The following BMAL2 variants were observed in gnomAD, a reference collection of about 807,000 sequenced individuals.
BMAL2 encodes basic helix-loop-helix ARNT like 2.
At chr12:27,423,075 G>A in the BMAL2 span, 3 of 152,176 alleles carry the variant, frequency 2.0e-5, no homozygotes, top group Admixed American at 1.3e-4. Context: ...CTTTTGTCCT[G>A]GACTCAAAAT....
chr12:27,418,182 A>G, the BMAL2 span: 1 of 1,609,828 alleles, frequency 6.2e-7, no homozygotes, highest in Non-Finnish European at 8.5e-7. Flanking sequence ...GTCCACAGCC[A>G]TGAGCCACTC....
the BMAL2 span, chr12:27,424,313 T>G: frequency 6.6e-5 from 10 of 152,226 alleles, no homozygotes; most frequent in Admixed American, 2.6e-4. Context: ...ATAACAAGTC[T>G]CTATCCATGT....
chr12:27,396,187 G>A, the BMAL2 span, among the ~76,000 whole-genome samples: 1 of 152,128 alleles, frequency 6.6e-6, no homozygotes, highest in Non-Finnish European at 1.5e-5. Flanking sequence ...TAATACAGTG[G>A]GTAATGACAG....
chr12:27,421,139 G>GTAA, the BMAL2 span: 9 of 152,200 alleles, frequency 5.9e-5, no homozygotes, highest in African/African-American at 2.2e-4. Flanking sequence ...TGAATTTTAA[G>GTAA]TGAGATGATT....
chr12:27,394,796 G>A, the BMAL2 span, among the ~76,000 whole-genome samples: 2 of 152,216 alleles, frequency 1.3e-5, no homozygotes, highest in Non-Finnish European at 2.9e-5. Flanking sequence ...AGGTCATGAG[G>A]ATGAGGACCT....
At chr12:27,402,998 G>T in the BMAL2 span, among the ~76,000 whole-genome samples, 12 of 152,136 alleles carry the variant, frequency 7.9e-5, no homozygotes, top group Non-Finnish European at 5.9e-5. Context: ...GTTCTTTAAG[G>T]CAGGAATGAT....
chr12:27,355,789 A>G, the BMAL2 span, among the ~76,000 whole-genome samples: 2 of 152,206 alleles, frequency 1.3e-5, no homozygotes, highest in African/African-American at 4.8e-5. Flanking sequence ...GTCTTAAAAT[A>G]AAAATTGACA....
chr12:27,389,934 G>C, the BMAL2 span: 1 of 585,814 alleles, frequency 1.7e-6, no homozygotes, highest in East Asian at 3.0e-5. Flanking sequence ...TACATTTTTT[G>C]GGTATATTTC....
At chr12:27,399,225 A>T in the BMAL2 span, among the ~76,000 whole-genome samples, 1 of 152,216 alleles carries the variant, frequency 6.6e-6, no homozygotes, top group African/African-American at 2.4e-5. Flanking sequence ...CATATGCTTC[A>T]GCCGCATCTG....
At chr12:27,415,749 T>A in the BMAL2 span, 1 of 705,780 alleles carries the variant, frequency 1.4e-6, no homozygotes, top group East Asian at 2.9e-5. Context: ...AAACCTGCTA[T>A]GATACTCAGT....
chr12:27,346,543 G>A, the BMAL2 span, among the ~76,000 whole-genome samples: 2 of 152,168 alleles, frequency 1.3e-5, no homozygotes, highest in Non-Finnish European at 2.9e-5. Context: ...GATTACAGGC[G>A]TGAGCCACCA....
chr12:27,410,548 G>C, the BMAL2 span, among the ~76,000 whole-genome samples: 1 of 152,052 alleles, frequency 6.6e-6, no homozygotes, highest in African/African-American at 2.4e-5. Flanking sequence ...TGAACAATGA[G>C]AACACATGGA....
At chr12:27,344,083 G>C in the BMAL2 span, among the ~76,000 whole-genome samples, 1 of 152,148 alleles carries the variant, frequency 6.6e-6, no homozygotes, top group African/African-American at 2.4e-5. Flanking sequence ...TTATGAGGTA[G>C]GTACTATTGT....
At chr12:27,420,666 T>A in the BMAL2 span, 1 of 1,063,980 alleles carries the variant, frequency 9.4e-7, no homozygotes, top group East Asian at 3.0e-5. Flanking sequence ...TTTTATAGAT[T>A]TGCATCTTCC....
chr12:27,410,160 G>A, the BMAL2 span, among the ~76,000 whole-genome samples: 1 of 151,962 alleles, frequency 6.6e-6, no homozygotes, highest in African/African-American at 2.4e-5. Flanking sequence ...CTGTAAACTA[G>A]TTCAACCATT....
At chr12:27,344,349 G>T in the BMAL2 span, among the ~76,000 whole-genome samples, 1 of 152,182 alleles carries the variant, frequency 6.6e-6, no homozygotes, top group African/African-American at 2.4e-5. Flanking sequence ...AGCATCTGAG[G>T]TCTTTCACCT....
chr12:27,351,621 GC>G, the BMAL2 span, among the ~76,000 whole-genome samples: 1 of 152,154 alleles, frequency 6.6e-6, no homozygotes, highest in African/African-American at 2.4e-5. Context: ...CGTAGGGACA[GC>G]CCCTGTTCCC....
the BMAL2 span, among the ~76,000 whole-genome samples, chr12:27,409,653 C>T: frequency 1.3e-5 from 2 of 152,180 alleles, no homozygotes; most frequent in Non-Finnish European, 2.9e-5. Flanking sequence ...TAGAAGAAAA[C>T]CTAGGCATAC....
At chr12:27,335,773 G>T in the BMAL2 span, among the ~76,000 whole-genome samples, 3 of 151,894 alleles carry the variant, frequency 2.0e-5, no homozygotes, top group African/African-American at 7.3e-5. Flanking sequence ...AAGAGAGGAG[G>T]AGAGGGGAAA....
Sources: allele counts gnomAD v4.1 joint callset (sites outside exome capture counted in the v4.1 genomes callset), GRCh38; gene constraint gnomAD v4.1.1; transcripts MANE v1.5; gene names NCBI Gene and HGNC (gene_info 2026-07-23, HGNC 2026-07-21).